CYRIA: variants seen among roughly 807,000 people sequenced by gnomAD.
CYRIA encodes the protein CYFIP-related Rac1 interactor A.
In CYRIA, 15 loss-of-function variants were observed where a neutral mutation model predicts 43.9. That is an observed-to-expected ratio of 0.34 (90% CI 0.23 to 0.53). CYRIA has a LOEUF of 0.53. Ranked by LOEUF, CYRIA falls within the 20% of genes least tolerant of loss-of-function variation. The pLI is 0.94. For synonymous variants in CYRIA, 117 were observed against 136.0 expected, an observed-to-expected ratio of 0.86 and a Z score of 0.97; for missense variants, 236 against 394.2, an observed-to-expected ratio of 0.60 and a Z score of 3.40.
intron 1 of CYRIA, among the ~76,000 whole-genome samples, chr2:16,652,396 G>C (rs1358283874): frequency 1.3e-5 from 2 of 152,168 alleles, no homozygotes; most frequent in East Asian, 3.9e-4. Context: ...AGGTCCCTGA[G>C]CCTCACTGGG....
At chr2:16,621,624 A>G (rs1442058413) in intron 2 of CYRIA, among the ~76,000 whole-genome samples, 1 of 152,146 alleles carries the variant, frequency 6.6e-6, no homozygotes, top group Admixed American at 6.5e-5. Flanking sequence ...CCTACTGGTC[A>G]CTCGAGACTG....
chr2:16,613,335 T>C (rs1668668725), intron 2 of CYRIA, among the ~76,000 whole-genome samples: 1 of 152,152 alleles, frequency 6.6e-6, no homozygotes, highest in South Asian at 2.1e-4. Context: ...TCATAATGCA[T>C]ACCTGAGCAG....
chr2:16,651,607 A>T (rs527417678), intron 1 of CYRIA, among the ~76,000 whole-genome samples: 1 of 152,294 alleles, frequency 6.6e-6, no homozygotes, highest in African/African-American at 2.4e-5. Flanking sequence ...CAGAGCTTTC[A>T]ACTTGTTTTC....
At chr2:16,582,653 T>C (rs1178061959) in intron 3 of CYRIA, among the ~76,000 whole-genome samples, 3 of 152,218 alleles carry the variant, frequency 2.0e-5, no homozygotes, top group Non-Finnish European at 4.4e-5. Flanking sequence ...CTTAGCACAA[T>C]GATTTCAAGG....
intron 3 of CYRIA, among the ~76,000 whole-genome samples, chr2:16,570,233 A>G (rs1444883528): frequency 6.6e-6 from 1 of 152,024 alleles, no homozygotes; most frequent in Non-Finnish European, 1.5e-5. Flanking sequence ...ATCATAGCTC[A>G]CTGCACTCAA....
intron 1 of CYRIA, among the ~76,000 whole-genome samples, chr2:16,657,130 C>G (rs1346456379): frequency 6.6e-6 from 1 of 152,208 alleles, no homozygotes; most frequent in African/African-American, 2.4e-5. Flanking sequence ...AAGTCATTTA[C>G]TTAGAAACTC....
intron 1 of CYRIA, among the ~76,000 whole-genome samples, chr2:16,661,103 C>T (rs188274017): frequency 3.9e-5 from 6 of 152,088 alleles, no homozygotes; most frequent in South Asian, 2.1e-4. Flanking sequence ...GGCAACATGG[C>T]GAAACCCCAC....
chr2:16,575,298 C>T (rs1667293078), intron 3 of CYRIA, among the ~76,000 whole-genome samples: 1 of 152,090 alleles, frequency 6.6e-6, no homozygotes. Context: ...GGTCTTTGGA[C>T]TTTTGAGTTA....
intron 3 of CYRIA, among the ~76,000 whole-genome samples, chr2:16,584,927 T>C (rs1334341800): frequency 6.6e-6 from 1 of 152,182 alleles, no homozygotes; most frequent in African/African-American, 2.4e-5. Context: ...CCTTCCTTAC[T>C]GTCATGCCAC....
chr2:16,623,746 C>T (rs1397458080), intron 2 of CYRIA, 118 bp downstream of exon 2: 1 of 152,208 alleles, frequency 6.6e-6, no homozygotes, highest in African/African-American at 2.4e-5. Context: ...AGCCTTGAAC[C>T]TTTTCCTTAA....
intron 5 of CYRIA, among the ~76,000 whole-genome samples, chr2:16,563,415 T>C (rs1558403186): frequency 6.6e-6 from 1 of 152,156 alleles, no homozygotes; most frequent in East Asian, 1.9e-4. Context: ...CATGCCTTCT[T>C]CATTCAAGAT....
In CYRIA at chr2:16,549,524, C is replaced by G. The variant is rs1666222076; in HGVS notation, c.*3412G>C. On this transcript the variant is annotated 3_prime_UTR_variant, in exon 12 of 12. Transcript: ENST00000381323. Reference sequence around the variant, plus strand: ...CTCAAAACTCCTGTAGAAAAAAAGGCAAAGCAGGCAAAAAAAATTACAATG... The same window carrying G: ...CTCAAAACTCCTGTAGAAAAAAAGGGAAAGCAGGCAAAAAAAATTACAATG... 6.6e-6 allele frequency: 1 copy of G among 151,766 alleles called. No individual in the cohort carries two copies. Among genetic ancestry groups the G allele is most frequent in the Admixed American group, 6.6e-5 (1 of 15,222 alleles). The allele number at this position is 151,766 out of a possible 1,614,324, so 9.4% of individuals were successfully genotyped here.
chr2:16,551,224 G>A lies in CYRIA; in HGVS notation c.*1712C>T, dbSNP rs533558631. 6.6e-6 allele frequency: 1 copy of A among 152,164 alleles called. No homozygotes were observed. The highest frequency in any genetic ancestry group is 1.5e-5 in the Non-Finnish European group (1 of 68,026). 9.4% of individuals were successfully genotyped at this position (152,164 alleles called of 1,614,324 possible). The stretch of plus-strand genomic sequence containing the variant: ...TTTTCCCCTTTATTGGAGGATCCAA[G>A]GGAAGATCAGCTGGTCACTAAAGTC... On this transcript the variant is annotated 3_prime_UTR_variant, in exon 12 of 12. Transcript: ENST00000381323.
chr2:16,566,080 G>C (rs1666922611), intron 3 of CYRIA, among the ~76,000 whole-genome samples: 1 of 152,128 alleles, frequency 6.6e-6, no homozygotes, highest in Non-Finnish European at 1.5e-5. Context: ...CTGAGTGATA[G>C]AAAAAATAAG....
intron 1 of CYRIA, among the ~76,000 whole-genome samples, chr2:16,664,035 A>G (rs1270706990): frequency 6.6e-6 from 1 of 152,198 alleles, no homozygotes; most frequent in Non-Finnish European, 1.5e-5. Context: ...CTCATCTGCA[A>G]AGTGGAAAGA....
chr2:16,566,560 A>G (rs1666940398), intron 3 of CYRIA, among the ~76,000 whole-genome samples: 1 of 152,208 alleles, frequency 6.6e-6, no homozygotes, highest in Non-Finnish European at 1.5e-5. Context: ...ACGTGCAGGG[A>G]GTTCATGTTA....
chr2:16,645,502 C>T (rs1291869679), intron 1 of CYRIA, among the ~76,000 whole-genome samples: 1 of 152,154 alleles, frequency 6.6e-6, no homozygotes, highest in Non-Finnish European at 1.5e-5. Context: ...TTTTAAAATG[C>T]GGAGTTAGAA....
intron 5 of CYRIA, among the ~76,000 whole-genome samples, chr2:16,562,618 T>C (rs865916139): frequency 1.3e-5 from 2 of 152,124 alleles, no homozygotes; most frequent in East Asian, 3.9e-4. Context: ...TATGAACCCA[T>C]TGCCCTATCT....
chr2:16,604,496 C>T (rs986485946), intron 2 of CYRIA, among the ~76,000 whole-genome samples: 6 of 152,214 alleles, frequency 3.9e-5, no homozygotes, highest in African/African-American at 1.2e-4. Context: ...CACGCTTTCT[C>T]CTGGTCACCA....
Sources: allele counts gnomAD v4.1 joint callset (sites outside exome capture counted in the v4.1 genomes callset), GRCh38; gene constraint gnomAD v4.1.1; transcripts MANE v1.5; gene names NCBI Gene and HGNC (gene_info 2026-07-23, HGNC 2026-07-21).